HOMER1: variants seen among roughly 807,000 people sequenced by gnomAD.
The protein encoded by HOMER1 is homer protein homolog 1.
In HOMER1, 3 loss-of-function variants were observed where a neutral mutation model predicts 48.9. The observed-to-expected ratio is 0.06, with a 90% confidence interval of 0.03 to 0.16. The LOEUF is 0.16. HOMER1 is among the 10% of genes least tolerant of loss of function. HOMER1 has a pLI of 1.00. For synonymous variants in HOMER1, 134 were observed against 146.4 expected (o/e 0.92, Z 0.61); for missense variants, 247 against 411.4 (o/e 0.60, Z 3.46).
At chr5:79,491,075 C>CA (rs10527802) in intron 1 of HOMER1, among the ~76,000 whole-genome samples, 425 of 37,230 alleles carry the variant, frequency 0.011, 117 homozygotes, top group Non-Finnish European at 0.026. Context: ...AGTACCAAAG[C>CA]AAAAAAAAAA....
chr5:79,411,099 T>C (rs951730252), intron 5 of HOMER1, among the ~76,000 whole-genome samples: 1 of 152,212 alleles, frequency 6.6e-6, no homozygotes, highest in African/African-American at 2.4e-5. Context: ...TGGTTTCCTG[T>C]TGGCTTCAAA....
At chr5:79,379,263 ATT>A (rs1491460287) in intron 8 of HOMER1, among the ~76,000 whole-genome samples, 1 of 101,212 alleles carries the variant, frequency 9.9e-6, no homozygotes, top group African/African-American at 4.0e-5. Context: ...TATTATATAT[ATT>A]ATATATTATA....
At chr5:79,451,260 G>A (rs1213805235) in intron 2 of HOMER1, 139 bp from the exon 3 acceptor site, 6 of 768,100 alleles carry the variant, frequency 7.8e-6, no homozygotes, top group Non-Finnish European at 1.2e-5. Flanking sequence ...TACAGAAATA[G>A]TTTCTGGCAT....
chr5:79,421,134 T>G (rs1750086399), intron 5 of HOMER1, among the ~76,000 whole-genome samples: 1 of 152,218 alleles, frequency 6.6e-6, no homozygotes, highest in African/African-American at 2.4e-5. Context: ...TCAAATAAAA[T>G]TTAGAAACTA....
intron 4 of HOMER1, among the ~76,000 whole-genome samples, chr5:79,440,137 A>T (rs1580452759): frequency 1.3e-5 from 2 of 151,874 alleles, no homozygotes. Flanking sequence ...TTGTCAACTT[A>T]AAAAAAATAC....
At chr5:79,467,918 A>T (rs941688756) in intron 1 of HOMER1, among the ~76,000 whole-genome samples, 1 of 152,180 alleles carries the variant, frequency 6.6e-6, no homozygotes, top group Non-Finnish European at 1.5e-5. Flanking sequence ...CTGGGACTAC[A>T]GATGAGCGTG....
intron 8 of HOMER1, 65 bp downstream of exon 8, chr5:79,396,758 A>G: frequency 2.3e-6 from 2 of 869,638 alleles, no homozygotes; most frequent in Non-Finnish European, 3.6e-6. Context: ...AAAAAAAGTC[A>G]GTGCTATGTG....
chr5:79,413,083 A>G (rs145531333), intron 5 of HOMER1, among the ~76,000 whole-genome samples: 1 of 152,380 alleles, frequency 6.6e-6, no homozygotes, highest in East Asian at 1.9e-4. Context: ...AATCAATACA[A>G]ATTTTCCAGT....
rs1477753308 is a variant in HOMER1, at chr5:79,375,086, GATC to G, written c.*920_*922del. The G allele has an allele frequency of 2.0e-5, 3 of 152,000 alleles. No homozygotes were observed. The highest frequency in any genetic ancestry group is 7.2e-5 in the African/African-American group (3 of 41,418). The allele number at this position is 152,000 out of a possible 1,614,324, so 9.4% of individuals were successfully genotyped here. A position where few individuals can be genotyped will look rare whatever the true frequency, so the allele number is the denominator to read the frequency against. The stretch of plus-strand genomic sequence containing the variant: ...TATTATTCGTAAATTGAAATGCATT[GATC>G]ATTCAGAAAAGATTTCTTGCAAAAT... On this transcript the variant is annotated 3_prime_UTR_variant, in exon 9 of 9. Coordinates refer to ENST00000334082, the MANE Select transcript of HOMER1 (RefSeq NM_004272.5).
intron 5 of HOMER1, among the ~76,000 whole-genome samples, chr5:79,433,738 C>T (rs1021859961): frequency 1.3e-5 from 2 of 152,052 alleles, no homozygotes; most frequent in African/African-American, 4.8e-5. Flanking sequence ...TGAAATTGCA[C>T]AAAAATTCCT....
intron 1 of HOMER1, among the ~76,000 whole-genome samples, chr5:79,470,747 G>A (rs1452949540): frequency 6.6e-6 from 1 of 152,136 alleles, no homozygotes; most frequent in Non-Finnish European, 1.5e-5. Context: ...GCTGGTGGGA[G>A]TATAAATTAG....
intron 1 of HOMER1, among the ~76,000 whole-genome samples, chr5:79,461,484 C>T (rs1751317008): frequency 6.6e-6 from 1 of 152,166 alleles, no homozygotes; most frequent in Non-Finnish European, 1.5e-5. Flanking sequence ...CATGTTCAAA[C>T]AAGTTTCGCA....
intron 8 of HOMER1, among the ~76,000 whole-genome samples, chr5:79,387,495 C>T (rs1298169705): frequency 6.6e-6 from 1 of 152,100 alleles, no homozygotes; most frequent in African/African-American, 2.4e-5. Context: ...ATCTGATATA[C>T]TTCTTAAGCT....
At chr5:79,435,126 TA>T (rs1750539060) in intron 5 of HOMER1, among the ~76,000 whole-genome samples, 1 of 152,174 alleles carries the variant, frequency 6.6e-6, no homozygotes, top group Non-Finnish European at 1.5e-5. Context: ...AATAAAAAGT[TA>T]TAAATACTAA....
At chr5:79,398,439 C>T (rs553101673) in intron 6 of HOMER1, among the ~76,000 whole-genome samples, 1 of 151,614 alleles carries the variant, frequency 6.6e-6, no homozygotes, top group Non-Finnish European at 1.5e-5. Flanking sequence ...AGAGTAAATC[C>T]CTCTCCCTGG....
chr5:79,507,870 T>C (rs1752822715), intron 1 of HOMER1, among the ~76,000 whole-genome samples: 1 of 152,230 alleles, frequency 6.6e-6, no homozygotes, highest in Admixed American at 6.5e-5. Flanking sequence ...TTATGACCCA[T>C]AGTTAGTGAC....
intron 1 of HOMER1, among the ~76,000 whole-genome samples, chr5:79,493,161 G>A (rs922818079): frequency 3.9e-5 from 6 of 152,040 alleles, no homozygotes; most frequent in Admixed American, 1.3e-4. Context: ...TCAGGCGATC[G>A]CCTGTCTCAG....
intron 1 of HOMER1, among the ~76,000 whole-genome samples, chr5:79,487,147 C>T (rs988321462): frequency 1.3e-5 from 2 of 152,068 alleles, no homozygotes; most frequent in Non-Finnish European, 2.9e-5. Flanking sequence ...AGCGTGGTGG[C>T]GCACGCCTGT....
At chr5:79,399,465 T>C (rs1749479029) in intron 6 of HOMER1, among the ~76,000 whole-genome samples, 1 of 152,180 alleles carries the variant, frequency 6.6e-6, no homozygotes, top group Admixed American at 6.5e-5. Context: ...CCTGCTAAAT[T>C]AGAGGGCCTT....
Sources: allele counts gnomAD v4.1 joint callset (sites outside exome capture counted in the v4.1 genomes callset), GRCh38; gene constraint gnomAD v4.1.1; transcripts MANE v1.5; gene names NCBI Gene and HGNC (gene_info 2026-07-23, HGNC 2026-07-21).